EXOC4: variants seen among roughly 807,000 people sequenced by gnomAD.
EXOC4 encodes SEC8-like 1.
Under a neutral mutation model 107.2 loss-of-function variants are expected in EXOC4, and 71 were observed. The ratio of observed to expected loss-of-function variants is 0.66; its 90% CI spans 0.55 to 0.81. EXOC4 has a LOEUF of 0.81. Among genes scored for constraint, EXOC4 ranks in the 30% least tolerant of loss-of-function variants. EXOC4 has a pLI of 0.00. For missense variants in EXOC4, 1,108 were observed against 1,189.6 expected, an observed-to-expected ratio of 0.93 and a Z score of 1.01; for synonymous variants, 456 against 441.2, an observed-to-expected ratio of 1.03 and a Z score of -0.42.
chr7:133,543,657 T>C (rs1387193436), intron 9 of EXOC4, among the ~76,000 whole-genome samples: 2 of 152,190 alleles, frequency 1.3e-5, no homozygotes, highest in African/African-American at 4.8e-5. Flanking sequence ...TAGTGGCTTC[T>C]TCTAGATCTT....
At chr7:133,399,034 C>A (rs1057357142) in intron 7 of EXOC4, among the ~76,000 whole-genome samples, 6 of 152,190 alleles carry the variant, frequency 3.9e-5, no homozygotes, top group Non-Finnish European at 8.8e-5. Flanking sequence ...GTTGGTCCTC[C>A]TGCCATTCCT....
chr7:133,926,226 CA>C (rs1218439732), intron 13 of EXOC4, among the ~76,000 whole-genome samples: 2 of 152,118 alleles, frequency 1.3e-5, no homozygotes, highest in Non-Finnish European at 2.9e-5. Flanking sequence ...TCCCCAAGTT[CA>C]CACAGCCACT....
intron 10 of EXOC4, among the ~76,000 whole-genome samples, chr7:133,646,901 T>C (rs749718072): frequency 6.6e-6 from 1 of 152,154 alleles, no homozygotes; most frequent in Non-Finnish European, 1.5e-5. Flanking sequence ...CTCGAAGCCT[T>C]TCCTAAACAA....
chr7:134,008,067 T>C, intron 17 of EXOC4: 1 of 430,916 alleles, frequency 2.3e-6, no homozygotes, highest in South Asian at 4.2e-5. Flanking sequence ...TCTTCTTAAC[T>C]ACAATACTTG....
At chr7:133,555,244 TA>T (rs2150945446) in intron 9 of EXOC4, among the ~76,000 whole-genome samples, 1 of 152,360 alleles carries the variant, frequency 6.6e-6, no homozygotes, top group South Asian at 2.1e-4. Context: ...AAGATGGTAA[TA>T]TGTTAGCGAT....
intron 10 of EXOC4, among the ~76,000 whole-genome samples, chr7:133,814,362 G>C (rs544171931): frequency 1.3e-5 from 2 of 152,120 alleles, no homozygotes; most frequent in African/African-American, 4.8e-5. Flanking sequence ...ACATTTGGGG[G>C]TAGAGGGAGC....
intron 14 of EXOC4, among the ~76,000 whole-genome samples, chr7:133,980,090 G>A (rs545864812): frequency 2.0e-4 from 31 of 152,158 alleles, no homozygotes; most frequent in African/African-American, 5.5e-4. Context: ...TCTCTCCTGC[G>A]TATTTTCACT....
At chr7:133,594,656 G>A (rs1223996499) in intron 9 of EXOC4, among the ~76,000 whole-genome samples, 2 of 151,936 alleles carry the variant, frequency 1.3e-5, no homozygotes, top group African/African-American at 2.4e-5. Context: ...ACCACGCCCA[G>A]CTAATTTTTG....
chr7:133,918,450 A>G (rs1380841229), intron 13 of EXOC4, among the ~76,000 whole-genome samples: 2 of 152,244 alleles, frequency 1.3e-5, no homozygotes, highest in Non-Finnish European at 2.9e-5. Flanking sequence ...TCCATACAGA[A>G]TATGTTATGA....
intron 10 of EXOC4, among the ~76,000 whole-genome samples, chr7:133,667,032 T>G (rs1305900058): frequency 2.0e-5 from 3 of 152,152 alleles, no homozygotes; most frequent in Non-Finnish European, 2.9e-5. Flanking sequence ...CATTCTCTCT[T>G]AGCACTTCCT....
chr7:133,509,933 AGT>A (rs1799736004), intron 9 of EXOC4, among the ~76,000 whole-genome samples: 4 of 152,178 alleles, frequency 2.6e-5, no homozygotes, highest in Admixed American at 2.0e-4. Flanking sequence ...CTAGTGAAAT[AGT>A]GTGTCTTTTG....
chr7:133,420,614 C>T (rs912176541), intron 7 of EXOC4, among the ~76,000 whole-genome samples: 1 of 152,056 alleles, frequency 6.6e-6, no homozygotes, highest in Non-Finnish European at 1.5e-5. Context: ...AAAGCGTGGA[C>T]AGTAGGAGGT....
intron 10 of EXOC4, among the ~76,000 whole-genome samples, chr7:133,655,105 C>A (rs1197065421): frequency 6.6e-6 from 1 of 152,098 alleles, no homozygotes; most frequent in Non-Finnish European, 1.5e-5. Flanking sequence ...ACTTGAGTTA[C>A]ACTAAATTTA....
chr7:133,664,488 C>T (rs540414825), intron 10 of EXOC4, among the ~76,000 whole-genome samples: 1 of 152,234 alleles, frequency 6.6e-6, no homozygotes, highest in Non-Finnish European at 1.5e-5. Context: ...CAACAGTTTT[C>T]CACCTCTGAA....
intron 10 of EXOC4, among the ~76,000 whole-genome samples, chr7:133,738,163 C>T (rs1171969249): frequency 2.6e-5 from 4 of 151,882 alleles, no homozygotes; most frequent in African/African-American, 4.8e-5. Context: ...CCTCCTGCTT[C>T]GGCCTCCCAA....
At chr7:133,676,945 GTGTGTGTGTGTA>G (rs765408825) in intron 10 of EXOC4, among the ~76,000 whole-genome samples, 71 of 83,856 alleles carry the variant, frequency 8.5e-4, no homozygotes, top group African/African-American at 1.7e-3. Context: ...GTGTGTGTGT[GTGTGTGTGTGTA>G]TGTGTGTGTG....
intron 12 of EXOC4, among the ~76,000 whole-genome samples, chr7:133,906,538 A>G (rs908495820): frequency 6.6e-6 from 1 of 152,228 alleles, no homozygotes; most frequent in Admixed American, 6.5e-5. Context: ...AATGATCAGG[A>G]TATAAACCCA....
chr7:133,804,395 A>G (rs1797022369), intron 10 of EXOC4, among the ~76,000 whole-genome samples: 1 of 152,192 alleles, frequency 6.6e-6, no homozygotes, highest in Non-Finnish European at 1.5e-5. Context: ...TGCATTCAGA[A>G]CACTTTGCCA....
chr7:133,790,837 A>C (rs560335276), intron 10 of EXOC4, among the ~76,000 whole-genome samples: 1 of 152,360 alleles, frequency 6.6e-6, no homozygotes, highest in African/African-American at 2.4e-5. Context: ...ATTCTCAGGC[A>C]TGTGGTCCCA....
Sources: allele counts gnomAD v4.1 joint callset (sites outside exome capture counted in the v4.1 genomes callset), GRCh38; gene constraint gnomAD v4.1.1; transcripts MANE v1.5; gene names NCBI Gene and HGNC (gene_info 2026-07-23, HGNC 2026-07-21).